The following POP1 variants were observed in gnomAD, a reference collection of about 807,000 sequenced individuals.
POP1 encodes ribonucleases P/MRP protein subunit POP1.
A neutral mutation model predicts 102.2 loss-of-function variants in POP1; 75 were observed. The observed-to-expected ratio is 0.73, with a 90% CI of 0.61 to 0.89. POP1 has a LOEUF of 0.89. POP1 is among the 40% of genes least tolerant of loss of function. The pLI is 0.00. For synonymous variants in POP1, 436 were observed against 464.1 expected, an observed-to-expected ratio of 0.94 and a Z score of 0.78; for missense variants, 1,116 against 1,267.4, an observed-to-expected ratio of 0.88 and a Z score of 1.81.
At chr8:98,117,551 T>C (rs559643093) in intron 1 of POP1, among the ~76,000 whole-genome samples, 161 bp downstream of exon 1, 11 of 152,292 alleles carry the variant, frequency 7.2e-5, no homozygotes, top group Admixed American at 2.6e-4. Context: ...CTCCCTGGTG[T>C]CGCATCTCCT....
chr8:98,117,370 A>G lies in POP1; in HGVS notation c.-23A>G. ...GGAGGCTTGTCATTCTGACCCGGGG[A>G]TTCCTCACAGCGTCTGGCAGGTTGG... On this transcript the variant is annotated 5_prime_UTR_variant, in exon 1 of 16. Coordinates refer to ENST00000401707, the MANE Select transcript of POP1 (RefSeq NM_001145860.2). 2.1e-6 allele frequency: 1 copy of G among 477,032 alleles called. No homozygotes were observed. 29.5% of individuals were successfully genotyped at this position (477,032 alleles called of 1,614,324 possible).
rs570006227 is a variant in POP1 at position 98,129,972 on chromosome 8, C to T, written c.487-6C>T. Reference sequence around the variant, plus strand: ...CTGGGATATGTCCCTCTACTTGAAACTATAGGCGGAGAAAGCCGTACATCA... The same window carrying T: ...CTGGGATATGTCCCTCTACTTGAAATTATAGGCGGAGAAAGCCGTACATCA... On this transcript the variant is annotated splice_polypyrimidine_tract_variant and splice_region_variant and intron_variant, in intron 4 of 15. Transcript: ENST00000401707. 1.1e-4 allele frequency: 181 copies of T among 1,613,810 alleles called. No homozygotes were observed. Among genetic ancestry groups the T allele is most frequent in the Non-Finnish European group, 1.5e-4 (178 of 1,179,876 alleles).
At chr8:98,121,090 A>G (rs1456485129) in intron 1 of POP1, among the ~76,000 whole-genome samples, 1 of 152,146 alleles carries the variant, frequency 6.6e-6, no homozygotes, top group Admixed American at 6.5e-5. Flanking sequence ...GCCTGTATAT[A>G]ATGTTTAATT....
In POP1 at chr8:98,136,670, C is replaced by G; in HGVS notation, c.1200C>G (p.Ile400Met). The G allele has an allele frequency of 6.2e-7, 1 of 1,612,364 alleles. No homozygotes were observed. The highest frequency in any genetic ancestry group is 8.5e-7 in the Non-Finnish European group (1 of 1,178,452). Residue 400 changes from isoleucine to methionine, a missense_variant, in exon 8 of 16, where the codon ATC becomes ATG. Physicochemically the swap from Ile to Met is conservative, Grantham distance 10. Transcript: ENST00000401707. ...ATGCTAAACCAATTAAAAAAATTAT[C>G]GGTGATGGAACTAGAGATCCATGTC... ...GENAKPIKKI[I>M]GDGTRDPCLP...
intron 1 of POP1, 66 bp from the exon 2 acceptor site, chr8:98,123,269 TA>T: frequency 6.5e-7 from 1 of 1,544,306 alleles, no homozygotes; most frequent in Non-Finnish European, 8.9e-7. Context: ...ATTTACTCAT[TA>T]AATTTATTTT....
intron 5 of POP1, 96 bp downstream of exon 5, chr8:98,130,322 G>A: frequency 2.6e-6 from 4 of 1,525,484 alleles, no homozygotes; most frequent in Non-Finnish European, 3.6e-6. Context: ...CCCCGTTTAT[G>A]TGATTATTCA....
Position 98,156,283 on chromosome 8 carries a change from A to G in POP1, c.2291A>G (p.Glu764Gly), listed in dbSNP as rs1385606980. Residue 764 changes from glutamate (E) to glycine (G), a missense_variant, in exon 15 of 16, where the codon GAG becomes GGG. Physicochemically the swap from Glu to Gly is moderately conservative, Grantham distance 98. Coordinates refer to ENST00000401707, the MANE Select transcript of POP1 (RefSeq NM_001145860.2). Reference sequence around the variant, plus strand: ...TCTGATGAAGTGGGCACATCCATAGAGCACCCCAGGGAGGCAGAGGAGGTA... The same window carrying G: ...TCTGATGAAGTGGGCACATCCATAGGGCACCCCAGGGAGGCAGAGGAGGTA... Reference protein sequence around the residue: ...QPSDEVGTSIEHPREAEEVMD... With the variant: ...QPSDEVGTSIGHPREAEEVMD... The G allele has an allele frequency of 1.9e-6, 3 of 1,614,134 alleles. No homozygotes were observed. The highest frequency in any genetic ancestry group is 4.5e-5 in the East Asian group (2 of 44,878).
chr8:98,156,928 G>A lies in POP1; in HGVS notation c.2420+516G>A, dbSNP rs184757016. Among the ~76,000 whole-genome samples the A allele has an allele frequency of 3.1e-3, 455 of 145,646 alleles. 1 individual carries two copies. Among genetic ancestry groups the A allele is most frequent in the Non-Finnish European group, 5.7e-3 (381 of 66,824 alleles). On this transcript the variant is annotated intron_variant, in intron 15 of 15. Transcript: ENST00000401707. The stretch of plus-strand genomic sequence containing the variant: ...TTTTTTTTTTTTTTTTTGAGATGGA[G>A]TCTTGCTCTGTCACCCAGGCGGGAG...
chr8:98,153,403 A>G (rs542956812), intron 14 of POP1, among the ~76,000 whole-genome samples: 148 of 152,260 alleles, frequency 9.7e-4, no homozygotes, highest in African/African-American at 3.2e-3. Flanking sequence ...GCACACGTGG[A>G]GGAGGCAGCA....
chr8:98,117,449 C>G, intron 1 of POP1, 59 bp downstream of exon 1: 1 of 279,826 alleles, frequency 3.6e-6, no homozygotes. Context: ...CTGTATGCGG[C>G]GGCCCCCCTC....
At position 98,136,973 on chromosome 8, in the gene POP1, G is replaced by A. The variant is rs755089300; in HGVS notation, c.1362+19G>A. 7 of 1,560,732 alleles carry A rather than the reference G, an allele frequency of 4.5e-6. No individual in the cohort carries two copies. Among genetic ancestry groups the A allele is most frequent in the East Asian group, 2.2e-5 (1 of 44,610 alleles). ...CCACACTGTAAGAGTAAAAGTGACT[G>A]TAGTGTTTTATTCTAATCATGTTTT... On this transcript the variant is annotated intron_variant, in intron 9 of 15. Coordinates refer to ENST00000401707, the MANE Select transcript of POP1 (RefSeq NM_001145860.2).
Position 98,158,407 on chromosome 8 carries a change from T to G in POP1, c.*136T>G. The G allele has an allele frequency of 1.1e-6, 1 of 919,382 alleles. No homozygotes were observed. The allele number at this position is 919,382 out of a possible 1,614,324, so 57.0% of individuals were successfully genotyped here. A position where few individuals can be genotyped will look rare whatever the true frequency, so the allele number is the denominator to read the frequency against. Reference sequence around the variant, plus strand: ...AACAAGAATAAAAAATTATGTATTATGCAGATGATGAAATGTTTACATCAT... The same window carrying G: ...AACAAGAATAAAAAATTATGTATTAGGCAGATGATGAAATGTTTACATCAT... On this transcript the variant is annotated 3_prime_UTR_variant, in exon 16 of 16. Transcript: ENST00000401707.
Position 98,158,067 on chromosome 8 carries a change from G to C in POP1, c.2871G>C (p.Leu957Phe), listed in dbSNP as rs780229080. ...CAGGCCCTCTGCCGCGTGTGACGTT[G>C]CACTGCTCCAGAACTCTCCTAGGCT... ...LWSGPLPRVT[L>F]HCSRTLLGFV... The change falls in exon 16 of 16, where the codon TTG (leucine) becomes TTC (phenylalanine). Residue 957 changes from leucine to phenylalanine, a missense_variant. Physicochemically the swap from Leu to Phe is conservative, Grantham distance 22 (BLOSUM62 0). Transcript: ENST00000401707. The C allele has an allele frequency of 6.2e-6, 10 of 1,609,384 alleles. No individual in the cohort carries two copies. The South Asian group carries it at 9.9e-5, about 16-fold the overall frequency.
chr8:98,147,433 T>C (rs986538061), intron 12 of POP1, among the ~76,000 whole-genome samples: 6 of 151,630 alleles, frequency 4.0e-5, no homozygotes, highest in East Asian at 1.9e-4. Flanking sequence ...AGGAATGGGG[T>C]GAGAGAGGAA....
intron 9 of POP1, 148 bp downstream of exon 9, chr8:98,137,102 G>C: frequency 1.4e-6 from 1 of 721,158 alleles, no homozygotes; most frequent in Non-Finnish European, 2.3e-6. Context: ...CAAAGATTTT[G>C]TTATCTTTCA....
rs111665863 is a variant in POP1 at position 98,157,695 on chromosome 8, C to A, written c.2499C>A (p.Pro833=). 9.9e-6 allele frequency: 16 copies of A among 1,614,080 alleles called. No homozygotes were observed. The highest frequency in any genetic ancestry group is 6.6e-5 in the South Asian group (6 of 91,090). ...SEDSRGGRRA[P]GRGQQGLTRE... is the part of the protein sequence containing the mutation. ...ATAGTCGGGGAGGCCGGCGAGCTCC[C>A]GGCAGAGGCCAGCAAGGATTGACCA... The change falls in exon 16 of 16, where the codon CCC becomes CCA. Residue 833 remains proline, a synonymous_variant. Coordinates refer to ENST00000401707, the MANE Select transcript of POP1 (RefSeq NM_001145860.2).
At chr8:98,150,715 A>G (rs1478719733) in intron 14 of POP1, 76 bp downstream of exon 14, 3 of 1,402,512 alleles carry the variant, frequency 2.1e-6, no homozygotes, top group Non-Finnish European at 3.0e-6. Flanking sequence ...TATCCCAAAC[A>G]TTAGGATGGC....
At chr8:98,144,369 G>A (rs916487136) in intron 11 of POP1, among the ~76,000 whole-genome samples, 5 of 151,766 alleles carry the variant, frequency 3.3e-5, no homozygotes, top group Admixed American at 6.6e-5. Flanking sequence ...TTGAACTCCC[G>A]GGCTCAAGCG....
chr8:98,134,005 G>A lies in POP1; in HGVS notation c.792G>A (p.Lys264=), dbSNP rs772535831. 6 of 1,612,920 alleles carry A rather than the reference G, an allele frequency of 3.7e-6. No individual in the cohort carries two copies. The South Asian group carries it at 6.6e-5, about 18-fold the overall frequency. The part of the protein sequence containing the change: ...ELKGKEEEIL[K]ALSGMCNIDT... ...AAGGCAAAGAGGAAGAAATACTAAAGGCGCTTTCTGGAATGTGTAACATAG... is the reference window on the plus strand; with the variant it reads ...AAGGCAAAGAGGAAGAAATACTAAAAGCGCTTTCTGGAATGTGTAACATAG... Residue 264 remains lysine, a synonymous_variant, in exon 6 of 16, where the codon AAG becomes AAA. Transcript: ENST00000401707.
Sources: gnomAD v4.1 joint callset for allele counts (sites outside exome capture counted in the v4.1 genomes callset) on GRCh38, gnomAD v4.1.1 for gene constraint, MANE v1.5 for transcripts, NCBI Gene and HGNC (gene_info 2026-07-23, HGNC 2026-07-21) for gene names.